FBXL17: variants seen among roughly 807,000 people sequenced by gnomAD.
FBXL17 encodes the protein F-box/LRR-repeat protein 17.
In FBXL17, 22 loss-of-function variants were observed where a neutral mutation model predicts 66.2. The ratio of observed to expected loss-of-function variants is 0.33; its 90% CI spans 0.24 to 0.47. The LOEUF is 0.47. Ranked by LOEUF, FBXL17 falls within the 20% of genes least tolerant of loss-of-function variation. The pLI is 1.00. For synonymous variants in FBXL17, 474 were observed against 400.5 expected (o/e 1.18, Z -2.19); for missense variants, 878 against 948.2 (o/e 0.93, Z 0.97).
At chr5:108,120,401 A>T (rs11242663) in intron 6 of FBXL17, among the ~76,000 whole-genome samples, 46,993 of 152,140 alleles carry the variant, frequency 0.31, 8,233 homozygotes, top group Admixed American at 0.4. Context: ...AACCATTTTA[A>T]CTGCATGACA....
intron 4 of FBXL17, among the ~76,000 whole-genome samples, chr5:108,342,753 A>C (rs1358232177): frequency 6.6e-6 from 1 of 152,218 alleles, no homozygotes; most frequent in Non-Finnish European, 1.5e-5. Context: ...TGTGGTAGTT[A>C]TGAGGATTAA....
chr5:107,944,732 G>GA (rs1202370876), intron 7 of FBXL17, among the ~76,000 whole-genome samples: 4 of 151,954 alleles, frequency 2.6e-5, no homozygotes, highest in Non-Finnish European at 4.4e-5. Flanking sequence ...AAATCACACT[G>GA]AAAAAAGAAT....
chr5:108,071,894 C>T (rs1748348517), intron 6 of FBXL17, among the ~76,000 whole-genome samples: 1 of 152,084 alleles, frequency 6.6e-6, no homozygotes, highest in Non-Finnish European at 1.5e-5. Context: ...AAAGGCCTAG[C>T]ACAGGATCTC....
At chr5:108,165,095 TAC>T (rs1443884779) in intron 6 of FBXL17, among the ~76,000 whole-genome samples, 1 of 152,214 alleles carries the variant, frequency 6.6e-6, no homozygotes, top group Non-Finnish European at 1.5e-5. Flanking sequence ...ATATTTATCA[TAC>T]AGTTATTTAT....
intron 5 of FBXL17, among the ~76,000 whole-genome samples, chr5:108,205,369 G>T (rs1754075479): frequency 6.6e-6 from 1 of 152,086 alleles, no homozygotes; most frequent in Non-Finnish European, 1.5e-5. Flanking sequence ...AATTTAACAA[G>T]CATACCACTA....
chr5:108,040,559 G>T (rs1434821323), intron 6 of FBXL17, among the ~76,000 whole-genome samples: 3 of 152,020 alleles, frequency 2.0e-5, no homozygotes, highest in Non-Finnish European at 4.4e-5. Flanking sequence ...TTAATAAGAC[G>T]ATATATATTT....
chr5:108,063,197 T>A (rs575026698), intron 6 of FBXL17, among the ~76,000 whole-genome samples: 5 of 152,252 alleles, frequency 3.3e-5, no homozygotes, highest in African/African-American at 1.2e-4. Flanking sequence ...TTCCTAAATG[T>A]ACAAAGAGGA....
chr5:108,193,748 A>G (rs1753565003), intron 5 of FBXL17, among the ~76,000 whole-genome samples: 3 of 152,126 alleles, frequency 2.0e-5, no homozygotes, highest in Non-Finnish European at 4.4e-5. Context: ...TGAAAATAGG[A>G]CTTACAGGGT....
chr5:108,304,354 CAGA>C (rs1387326744), intron 4 of FBXL17, among the ~76,000 whole-genome samples: 10 of 151,908 alleles, frequency 6.6e-5, no homozygotes, highest in South Asian at 2.1e-4. Flanking sequence ...TAATTCAACC[CAGA>C]AGGTTTATTC....
intron 7 of FBXL17, among the ~76,000 whole-genome samples, chr5:107,974,515 C>T (rs1752507791): frequency 6.6e-6 from 1 of 152,082 alleles, no homozygotes; most frequent in African/African-American, 2.4e-5. Flanking sequence ...TTCCATCAGA[C>T]AATATTTCTT....
intron 6 of FBXL17, among the ~76,000 whole-genome samples, chr5:108,098,542 G>A (rs113696337): frequency 0.011 from 1,604 of 151,978 alleles, 26 homozygotes; most frequent in African/African-American, 0.036. Context: ...TCAGGAGATC[G>A]AGACCATCCT....
chr5:108,218,580 A>G (rs1335290849), intron 5 of FBXL17, among the ~76,000 whole-genome samples: 1 of 152,038 alleles, frequency 6.6e-6, no homozygotes, highest in Non-Finnish European at 1.5e-5. Flanking sequence ...CTACATCCTC[A>G]CCAAAACTTG....
chr5:108,315,837 T>C (rs1228447774), intron 4 of FBXL17, among the ~76,000 whole-genome samples: 1 of 151,556 alleles, frequency 6.6e-6, no homozygotes, highest in African/African-American at 2.4e-5. Context: ...CCAATTAACA[T>C]GTCATAAGTC....
chr5:108,336,272 A>C (rs970067905), intron 4 of FBXL17, among the ~76,000 whole-genome samples: 10 of 152,212 alleles, frequency 6.6e-5, no homozygotes, highest in African/African-American at 2.4e-4. Flanking sequence ...TCTGAACTAA[A>C]TTTAATGCCA....
chr5:108,020,792 G>A (rs1356299846), intron 7 of FBXL17, 133 bp downstream of exon 7: 1 of 591,774 alleles, frequency 1.7e-6, no homozygotes, highest in Non-Finnish European at 3.0e-6. Context: ...TTTATTTTTT[G>A]GTATGGTCAC....
At chr5:108,186,387 T>C (rs1162285235) in intron 5 of FBXL17, 140 bp from the exon 6 acceptor site, 4 of 627,648 alleles carry the variant, frequency 6.4e-6, no homozygotes, top group Non-Finnish European at 1.1e-5. Flanking sequence ...TAATTAAAGA[T>C]ATTGTATATG....
intron 2 of FBXL17, among the ~76,000 whole-genome samples, chr5:108,366,235 C>G (rs1255107148): frequency 2.0e-5 from 3 of 152,006 alleles, no homozygotes; most frequent in Admixed American, 6.6e-5. Context: ...GTGAAAAACT[C>G]AGATGGCCAT....
intron 6 of FBXL17, among the ~76,000 whole-genome samples, chr5:108,185,369 T>A (rs1244463386): frequency 2.6e-5 from 4 of 152,180 alleles, no homozygotes; most frequent in African/African-American, 9.7e-5. Context: ...GAACTGGATG[T>A]CTAAAAATGT....
chr5:108,052,847 AC>A (rs1747536381), intron 6 of FBXL17, among the ~76,000 whole-genome samples: 1 of 152,216 alleles, frequency 6.6e-6, no homozygotes, highest in Non-Finnish European at 1.5e-5. Flanking sequence ...ACCAAAACAG[AC>A]AAATAGACCA....
Sources: allele counts gnomAD v4.1 joint callset (sites outside exome capture counted in the v4.1 genomes callset), GRCh38; gene constraint gnomAD v4.1.1; transcripts MANE v1.5; gene names NCBI Gene and HGNC (gene_info 2026-07-23, HGNC 2026-07-21).